SLC60A1: variants seen among roughly 807,000 people sequenced by gnomAD.
SLC60A1 encodes major facilitator superfamily domain containing 4.
the SLC60A1 span, among the ~76,000 whole-genome samples, chr1:205,588,469 CA>C: frequency 0.01 from 872 of 84,744 alleles, 17 homozygotes; most frequent in Admixed American, 0.065. Context: ...GACTTCAAAT[CA>C]AAAAAAAAAA....
At chr1:205,586,735 C>T in the SLC60A1 span, among the ~76,000 whole-genome samples, 1 of 149,732 alleles carries the variant, frequency 6.7e-6, no homozygotes, top group African/African-American at 2.5e-5. Flanking sequence ...CTCCCTTTGT[C>T]ACCCAGGATG....
the SLC60A1 span, among the ~76,000 whole-genome samples, chr1:205,583,737 A>G: frequency 6.6e-6 from 1 of 152,194 alleles, no homozygotes; most frequent in Non-Finnish European, 1.5e-5. Flanking sequence ...CAGGGACGCG[A>G]GTATGGTGAT....
the SLC60A1 span, among the ~76,000 whole-genome samples, chr1:205,575,523 CTT>C: frequency 6.6e-6 from 1 of 152,200 alleles, no homozygotes; most frequent in Non-Finnish European, 1.5e-5. Flanking sequence ...ATTCCCTCCT[CTT>C]TTCACAGAAC....
chr1:205,580,859 A>G, the SLC60A1 span: 2 of 1,614,010 alleles, frequency 1.2e-6, no homozygotes, highest in Non-Finnish European at 1.7e-6. The surrounding 1 kb of genome is among the most constrained non-coding windows in gnomAD (Gnocchi z 5.0). Flanking sequence ...CCCAGGGCTG[A>G]CTCCAAAGGA....
the SLC60A1 span, among the ~76,000 whole-genome samples, chr1:205,584,682 CCTCT>C: frequency 7.2e-5 from 11 of 152,046 alleles, no homozygotes; most frequent in African/African-American, 1.2e-4. Context: ...AGTCACCTGA[CCTCT>C]CTGAGCCTTG....
chr1:205,596,119 AATG>A, the SLC60A1 span, among the ~76,000 whole-genome samples: 1 of 152,190 alleles, frequency 6.6e-6, no homozygotes, highest in Non-Finnish European at 1.5e-5. Flanking sequence ...CAGAGTAGAC[AATG>A]ATGACAACCA....
At chr1:205,580,669 T>C in the SLC60A1 span, 3 of 1,199,460 alleles carry the variant, frequency 2.5e-6, no homozygotes, top group East Asian at 1.3e-4. This position sits in a 1 kb window ranked among gnomAD's most constrained non-coding sequence, Gnocchi z 5.0. Flanking sequence ...AGGTGCTCCA[T>C]TTCTTCGTGG....
the SLC60A1 span, among the ~76,000 whole-genome samples, chr1:205,579,175 G>C: frequency 6.6e-6 from 1 of 152,216 alleles, no homozygotes; most frequent in Non-Finnish European, 1.5e-5. Context: ...TGCTACAGGG[G>C]TCATCAAATC....
the SLC60A1 span, chr1:205,597,853 A>G: frequency 6.2e-7 from 1 of 1,613,752 alleles, no homozygotes; most frequent in Non-Finnish European, 8.5e-7. Flanking sequence ...TTGGTTCGGT[A>G]TGTGGGGACC....
At chr1:205,570,415 C>T in the SLC60A1 span, among the ~76,000 whole-genome samples, 2 of 134,252 alleles carry the variant, frequency 1.5e-5, no homozygotes, top group African/African-American at 5.2e-5. Context: ...CCAGAGAAAC[C>T]TCTGGAGGGG....
the SLC60A1 span, among the ~76,000 whole-genome samples, chr1:205,592,741 A>G: frequency 1.3e-5 from 2 of 152,214 alleles, no homozygotes; most frequent in African/African-American, 4.8e-5. Flanking sequence ...ATGGGATTTT[A>G]GGCCGCAGAG....
At chr1:205,592,031 T>C in the SLC60A1 span, 11 of 1,465,988 alleles carry the variant, frequency 7.5e-6, no homozygotes, top group Non-Finnish European at 9.3e-6. Flanking sequence ...CTGGGCTCCT[T>C]GGGCTAGAGA....
chr1:205,580,681 C>T, the SLC60A1 span: 1 of 1,556,608 alleles, frequency 6.4e-7, no homozygotes, highest in Non-Finnish European at 8.7e-7. The surrounding 1 kb of genome is among the most constrained non-coding windows in gnomAD (Gnocchi z 5.0). Flanking sequence ...TCTTCGTGGG[C>T]TTTGGTGCTC....
At chr1:205,592,264 C>T in the SLC60A1 span, 1 of 1,614,036 alleles carries the variant, frequency 6.2e-7, no homozygotes, top group Non-Finnish European at 8.5e-7. Context: ...CTGGCCTACA[C>T]GGAGGACTCG....
chr1:205,600,279 C>T, the SLC60A1 span: 3 of 923,984 alleles, frequency 3.2e-6, no homozygotes, highest in African/African-American at 3.3e-5. Context: ...TGACTTTTCA[C>T]TTTGCTCCCT....
At chr1:205,592,039 A>G in the SLC60A1 span, 22 of 1,508,708 alleles carry the variant, frequency 1.5e-5, no homozygotes, top group African/African-American at 1.1e-4. Context: ...CTTGGGCTAG[A>G]GAGGAAACGC....
At chr1:205,585,715 C>T in the SLC60A1 span, among the ~76,000 whole-genome samples, 2,198 of 148,560 alleles carry the variant, frequency 0.015, 20 homozygotes, top group Non-Finnish European at 0.02. The surrounding 1 kb of genome is among the most constrained non-coding windows in gnomAD (Gnocchi z 4.2). Context: ...TCATGTTCTG[C>T]TCTGGTTGAA....
chr1:205,579,968 C>T, the SLC60A1 span: 4 of 1,607,400 alleles, frequency 2.5e-6, no homozygotes, highest in African/African-American at 5.3e-5. Flanking sequence ...GGCCAGCAGG[C>T]ACAGGGCTGG....
the SLC60A1 span, chr1:205,601,794 A>G: frequency 3.3e-5 from 5 of 152,408 alleles, no homozygotes; most frequent in Admixed American, 2.6e-4. Flanking sequence ...CGTGTTAGCC[A>G]GGATGGTCTT....
Sources: gnomAD v4.1 joint callset for allele counts (sites outside exome capture counted in the v4.1 genomes callset) on GRCh38, gnomAD v4.1.1 for gene constraint, Gnocchi (gnomAD v3.1) non-coding constraint, MANE v1.5 for transcripts, NCBI Gene and HGNC (gene_info 2026-07-23, HGNC 2026-07-21) for gene names.